Variants in NKAIN3 observed in about 807,000 individuals in gnomAD.
NKAIN3 encodes sodium/potassium transporting ATPase interacting 3, also known as sodium/potassium-transporting ATPase subunit beta-1-interacting protein 3.
Under a neutral mutation model 30.2 loss-of-function variants are expected in NKAIN3, and 25 were observed. The ratio of observed to expected loss-of-function variants is 0.83; its 90% CI spans 0.60 to 1.16. The LOEUF (loss-of-function observed/expected upper bound fraction) is 1.16, where lower values mean the gene tolerates loss of function less well. NKAIN3 is among the 50% of genes most tolerant of loss of function. NKAIN3 has a pLI of 0.00. For synonymous variants in NKAIN3, 91 were observed against 89.6 expected, an observed-to-expected ratio of 1.02 and a Z score of -0.09; for missense variants, 225 against 254.1, an observed-to-expected ratio of 0.89 and a Z score of 0.78.
At chr8:62,506,403 C>A (rs898486868) in intron 1 of NKAIN3, among the ~76,000 whole-genome samples, 1 of 151,660 alleles carries the variant, frequency 6.6e-6, no homozygotes, top group African/African-American at 2.4e-5. Flanking sequence ...TGCATGGGTA[C>A]TTGCTATTTG....
intron 1 of NKAIN3, among the ~76,000 whole-genome samples, chr8:62,574,606 C>G (rs1315608879): frequency 6.6e-6 from 1 of 151,968 alleles, no homozygotes; most frequent in Admixed American, 6.6e-5. Flanking sequence ...CATAAAGAAC[C>G]CAGAAATAAA....
chr8:62,354,732 C>T (rs199753956), intron 1 of NKAIN3, among the ~76,000 whole-genome samples: 2 of 152,142 alleles, frequency 1.3e-5, no homozygotes, highest in East Asian at 1.9e-4. Flanking sequence ...CGTGAGCCAC[C>T]GCGCCAGGCC....
Position 62,480,829 on chromosome 8 carries a change from G to A in NKAIN3, c.55-98710G>A, listed in dbSNP as rs562618171. Among the ~76,000 whole-genome samples, 3 of 152,212 alleles carry A rather than the reference G, an allele frequency of 2.0e-5. No homozygotes were observed. In the East Asian group the frequency reaches 5.8e-4, roughly 29 times the overall value. The stretch of plus-strand genomic sequence containing the variant: ...CACGTGGGACCTGGGGATGGGGCAT[G>A]CATTTTCTCAGTGTCTTAGGGAACA... On this transcript the variant is annotated intron_variant, in intron 1 of 6. Coordinates refer to ENST00000623646, the MANE Select transcript of NKAIN3 (RefSeq NM_001304533.3).
chr8:62,976,549 C>T lies in NKAIN3; in HGVS notation c.*11142C>T, dbSNP rs1376233982. On this transcript the variant is annotated 3_prime_UTR_variant, in exon 7 of 7. Coordinates refer to ENST00000623646, the MANE Select transcript of NKAIN3 (RefSeq NM_001304533.3). ...TTCCATTTGCCTGGTAAATATCTCT[C>T]CATCCTTTTATTTTGAGCCTATGTG... Among the ~76,000 whole-genome samples, 2 of 152,108 alleles carry T rather than the reference C, an allele frequency of 1.3e-5. No individual in the cohort carries two copies. Among genetic ancestry groups the T allele is most frequent in the African/African-American group, 4.8e-5 (2 of 41,426 alleles).
intron 1 of NKAIN3, among the ~76,000 whole-genome samples, chr8:62,322,419 T>C (rs1051786114): frequency 1.3e-5 from 2 of 152,300 alleles, no homozygotes; most frequent in East Asian, 1.9e-4. Context: ...TCTGTGTCGC[T>C]CACACTGGGA....
chr8:62,913,311 G>A (rs922892219), intron 4 of NKAIN3, among the ~76,000 whole-genome samples: 1 of 152,184 alleles, frequency 6.6e-6, no homozygotes, highest in African/African-American at 2.4e-5. Flanking sequence ...CAGTAGGTTT[G>A]TTTACAACAG....
chr8:62,499,104 G>A (rs1807334361), intron 1 of NKAIN3, among the ~76,000 whole-genome samples: 1 of 152,158 alleles, frequency 6.6e-6, no homozygotes, highest in Non-Finnish European at 1.5e-5. Context: ...GTAGTTGTCA[G>A]ATTGTGCCAT....
At chr8:62,385,454 A>G (rs184903535) in intron 1 of NKAIN3, among the ~76,000 whole-genome samples, 1 of 152,204 alleles carries the variant, frequency 6.6e-6, no homozygotes, top group Non-Finnish European at 1.5e-5. Context: ...AATCCAGATC[A>G]TTCCACCTTT....
intron 1 of NKAIN3, among the ~76,000 whole-genome samples, chr8:62,480,532 TAAAAA>T (rs59515372): frequency 2.9e-5 from 4 of 137,470 alleles, no homozygotes; most frequent in East Asian, 2.1e-4. Flanking sequence ...ATGTTTGGAT[TAAAAA>T]AAAAAAAAAA....
At chr8:62,869,701 G>A (rs983384866) in intron 4 of NKAIN3, among the ~76,000 whole-genome samples, 14 of 152,224 alleles carry the variant, frequency 9.2e-5, no homozygotes, top group African/African-American at 2.2e-4. Flanking sequence ...GGGCTCCCAG[G>A]CCTTTGGCCT....
intron 3 of NKAIN3, among the ~76,000 whole-genome samples, chr8:62,701,358 A>G (rs774130788): frequency 5.3e-5 from 8 of 152,222 alleles, no homozygotes; most frequent in African/African-American, 1.7e-4. Flanking sequence ...CTGTGGCCAC[A>G]TGAGCTTTAG....
intron 3 of NKAIN3, among the ~76,000 whole-genome samples, chr8:62,636,357 A>C (rs1812127957): frequency 6.6e-6 from 1 of 152,314 alleles, no homozygotes; most frequent in African/African-American, 2.4e-5. Flanking sequence ...ACTTACATAC[A>C]CACATGCACA....
chr8:62,323,459 G>C (rs1027706337), intron 1 of NKAIN3, among the ~76,000 whole-genome samples: 2 of 152,144 alleles, frequency 1.3e-5, no homozygotes, highest in African/African-American at 4.8e-5. Context: ...ATTATCCTTG[G>C]AAACAAGAAT....
chr8:62,530,300 A>C (rs575581677), intron 1 of NKAIN3, among the ~76,000 whole-genome samples: 1 of 152,210 alleles, frequency 6.6e-6, no homozygotes, highest in South Asian at 2.1e-4. Context: ...GACTTCAATT[A>C]CCTGGGTTGG....
rs535546994 is a variant in NKAIN3, at chr8:62,684,015, C to T, written c.274-62917C>T. Among the ~76,000 whole-genome samples, 11 of 152,268 alleles carry T rather than the reference C, an allele frequency of 7.2e-5. No individual in the cohort carries two copies. In the South Asian group the frequency reaches 2.1e-3, roughly 29 times the overall value. The stretch of plus-strand genomic sequence containing the variant: ...TGTGAGATTTAGCCACATCTTCTGC[C>T]CAACTCCCACTACAACCTTACCTTG... On this transcript the variant is annotated intron_variant, in intron 3 of 6. Transcript: ENST00000623646.
intron 4 of NKAIN3, among the ~76,000 whole-genome samples, chr8:62,911,510 G>T (rs1391751136): frequency 6.6e-6 from 1 of 152,114 alleles, no homozygotes; most frequent in Non-Finnish European, 1.5e-5. Flanking sequence ...TTCCATTGCA[G>T]CCTGATTCCT....
intron 4 of NKAIN3, among the ~76,000 whole-genome samples, chr8:62,826,757 T>C (rs1819038046): frequency 6.6e-6 from 1 of 152,200 alleles, no homozygotes; most frequent in South Asian, 2.1e-4. Flanking sequence ...AATTATACAT[T>C]ATTTATTGGA....
chr8:62,253,723 A>G (rs978645670), intron 1 of NKAIN3, among the ~76,000 whole-genome samples: 1 of 152,202 alleles, frequency 6.6e-6, no homozygotes, highest in African/African-American at 2.4e-5. Context: ...CTATGACACT[A>G]GAATGCTGAG....
intron 4 of NKAIN3, among the ~76,000 whole-genome samples, chr8:62,857,773 G>A (rs750419444): frequency 4.6e-5 from 7 of 152,000 alleles, no homozygotes; most frequent in Non-Finnish European, 8.8e-5. Flanking sequence ...TCTTTGTGTT[G>A]GGTTAAAACA....
Sources: gnomAD v4.1 joint callset for allele counts (sites outside exome capture counted in the v4.1 genomes callset) on GRCh38, gnomAD v4.1.1 for gene constraint, MANE v1.5 for transcripts, NCBI Gene and HGNC (gene_info 2026-07-23, HGNC 2026-07-21) for gene names.